FSTL4: variants seen among roughly 807,000 people sequenced by gnomAD.
The protein encoded by FSTL4 is follistatin like 4, also known as follistatin-related protein 4.
FSTL4 carries 28 observed loss-of-function variants against 78.2 expected under a neutral mutation model. The observed-to-expected ratio is 0.36, with a 90% CI of 0.27 to 0.49. The LOEUF (loss-of-function observed/expected upper bound fraction) is 0.49, where lower values mean the gene tolerates loss of function less well. FSTL4 is among the 20% of genes least tolerant of loss of function. The pLI, the probability that FSTL4 is intolerant of heterozygous loss-of-function variation, is 0.98. For synonymous variants in FSTL4, 422 were observed against 440.5 expected (o/e 0.96, Z 0.53); for missense variants, 922 against 1,084.9 (o/e 0.85, Z 2.11).
At chr5:133,255,513 C>T (rs1357513140) in intron 6 of FSTL4, among the ~76,000 whole-genome samples, 3 of 152,198 alleles carry the variant, frequency 2.0e-5, no homozygotes, top group East Asian at 3.8e-4. Flanking sequence ...ACAGAGCTTC[C>T]TGGACCACTA....
chr5:133,326,383 GGT>G (rs1298306975), intron 4 of FSTL4, among the ~76,000 whole-genome samples: 1 of 152,202 alleles, frequency 6.6e-6, no homozygotes, highest in African/African-American at 2.4e-5. Context: ...AACATGGACA[GGT>G]GTACTGGAAG....
At chr5:133,564,561 G>A (rs1030863563) in intron 3 of FSTL4, among the ~76,000 whole-genome samples, 3 of 152,178 alleles carry the variant, frequency 2.0e-5, no homozygotes, top group Admixed American at 2.0e-4. Flanking sequence ...ATGTGGGGAT[G>A]AAGAAGGCAG....
At chr5:133,809,093 C>A in the FSTL4 span, among the ~76,000 whole-genome samples, 14 of 151,858 alleles carry the variant, frequency 9.2e-5, no homozygotes. Flanking sequence ...AGGCCAGGTG[C>A]GGTGGCTCAC....
the FSTL4 span, among the ~76,000 whole-genome samples, chr5:133,830,901 A>G: frequency 6.6e-6 from 1 of 152,150 alleles, no homozygotes; most frequent in African/African-American, 2.4e-5. Context: ...CCACTCATCA[A>G]GAACAGATCA....
At chr5:133,687,515 A>T in the FSTL4 span, among the ~76,000 whole-genome samples, 2 of 152,124 alleles carry the variant, frequency 1.3e-5, no homozygotes, top group Non-Finnish European at 2.9e-5. Context: ...GATCTGAGGA[A>T]CACCCAGGGG....
intron 3 of FSTL4, among the ~76,000 whole-genome samples, chr5:133,509,083 C>A (rs550949235): frequency 6.6e-6 from 1 of 152,274 alleles, no homozygotes; most frequent in Non-Finnish European, 1.5e-5. Context: ...GTAACCACAG[C>A]AGTACAACAA....
chr5:133,354,218 G>A (rs567846528), intron 4 of FSTL4, among the ~76,000 whole-genome samples: 16 of 152,322 alleles, frequency 1.1e-4, no homozygotes, highest in Admixed American at 5.2e-4. Context: ...TACGGACCAG[G>A]TGGGAAGCCC....
At chr5:133,394,570 G>A (rs1008921172) in intron 4 of FSTL4, among the ~76,000 whole-genome samples, 5 of 152,244 alleles carry the variant, frequency 3.3e-5, no homozygotes, top group African/African-American at 4.8e-5. Flanking sequence ...AATTCTCGCC[G>A]GGCCTCAGCT....
At position 133,199,281 on chromosome 5, in the gene FSTL4, G is replaced by T. The variant is rs775772895; in HGVS notation, c.2343C>A (p.Pro781=). The change falls in exon 16 of 16, where the codon CCC becomes CCA. Residue 781 remains proline (P), a synonymous_variant. Transcript: ENST00000265342. This position sits in a 1 kb window ranked among gnomAD's most constrained non-coding sequence, Gnocchi z 4.4. ...VGMLKNLKEP[P]AGPAQPWGGT... is the part of the protein sequence containing the mutation. ...CCCCCCAGGGCTGAGCTGGCCCTGC[G>T]GGTGGCTCCTTTAAGTTCTTCAGCA... is the stretch of plus-strand genomic sequence containing the variant. 3.7e-6 allele frequency: 6 copies of T among 1,613,792 alleles called. No homozygotes were observed. The highest frequency in any genetic ancestry group is 5.1e-6 in the Non-Finnish European group (6 of 1,179,820).
intron 3 of FSTL4, among the ~76,000 whole-genome samples, chr5:133,502,720 G>A (rs528189276): frequency 6.6e-6 from 1 of 151,824 alleles, no homozygotes; most frequent in African/African-American, 2.4e-5. Flanking sequence ...TGCCATGACT[G>A]CAAGTTTCCT....
At chr5:133,832,602 A>G in the FSTL4 span, among the ~76,000 whole-genome samples, 2 of 152,252 alleles carry the variant, frequency 1.3e-5, no homozygotes, top group African/African-American at 2.4e-5. Context: ...GGGCAAGTCC[A>G]TATGGCCATT....
intron 3 of FSTL4, among the ~76,000 whole-genome samples, chr5:133,423,355 G>T (rs1050953772): frequency 1.3e-5 from 2 of 152,212 alleles, no homozygotes; most frequent in African/African-American, 4.8e-5. Context: ...TGCCAGCTAG[G>T]AGCTGGAGAA....
At chr5:133,659,825 C>G in the FSTL4 span, among the ~76,000 whole-genome samples, 12 of 151,904 alleles carry the variant, frequency 7.9e-5, no homozygotes. Context: ...ATTTCTTAAG[C>G]TATCAATATC....
chr5:133,224,040 T>C (rs1306385265), intron 11 of FSTL4, 150 bp downstream of exon 11: 2 of 574,950 alleles, frequency 3.5e-6, no homozygotes, highest in African/African-American at 3.8e-5. Flanking sequence ...TTTGATTCAA[T>C]GCATATGCCA....
chr5:133,757,019 A>G, the FSTL4 span, among the ~76,000 whole-genome samples: 1 of 152,144 alleles, frequency 6.6e-6, no homozygotes, highest in African/African-American at 2.4e-5. Flanking sequence ...AGTGAGAGCC[A>G]TATCTGGCTC....
chr5:133,210,276 G>A lies in FSTL4; in HGVS notation c.1631C>T (p.Pro544Leu), dbSNP rs1270037050. 3.1e-6 allele frequency: 5 copies of A among 1,608,134 alleles called. No individual in the cohort carries two copies. The highest frequency in any genetic ancestry group is 4.3e-6 in the Non-Finnish European group (5 of 1,174,792). The change falls in exon 14 of 16, where the codon CCG becomes CTG. Residue 544 changes from proline to leucine, a missense_variant. Physicochemically the swap from Pro to Leu is moderately conservative, Grantham distance 98. Coordinates refer to ENST00000265342, the MANE Select transcript of FSTL4 (RefSeq NM_015082.2). ...TGACTTGTCATAGGACAGCTTAGCC[G>A]GCAGAGGGTCCACACCTATGGACTT... ...VLQSIGVDPLPAKLSYDKSHD... is the reference protein window; with the variant it reads ...VLQSIGVDPLLAKLSYDKSHD...
intron 15 of FSTL4, among the ~76,000 whole-genome samples, chr5:133,201,001 A>G (rs1163802564): frequency 6.6e-6 from 1 of 152,020 alleles, no homozygotes; most frequent in Non-Finnish European, 1.5e-5. Flanking sequence ...CATTTAATAT[A>G]CTCTTAGAGG....
At chr5:133,355,657 A>AAAAC (rs928634011) in intron 4 of FSTL4, among the ~76,000 whole-genome samples, 3 of 152,208 alleles carry the variant, frequency 2.0e-5, no homozygotes, top group African/African-American at 4.8e-5. Context: ...CTCTGTCTCA[A>AAAAC]AAACAAACAA....
chr5:133,734,533 T>C, the FSTL4 span, among the ~76,000 whole-genome samples: 1 of 152,104 alleles, frequency 6.6e-6, no homozygotes, highest in African/African-American at 2.4e-5. Flanking sequence ...TGTGACAAAA[T>C]TTTGATGACT....
Sources: gnomAD v4.1 joint callset for allele counts (sites outside exome capture counted in the v4.1 genomes callset) on GRCh38, gnomAD v4.1.1 for gene constraint, Gnocchi (gnomAD v3.1) non-coding constraint, MANE v1.5 for transcripts, NCBI Gene and HGNC (gene_info 2026-07-23, HGNC 2026-07-21) for gene names.